DOK6: variants seen among roughly 807,000 people sequenced by gnomAD.
DOK6 encodes downstream of tyrosine kinase 6.
Under a neutral mutation model 44.0 loss-of-function variants are expected in DOK6, and 22 were observed. The ratio of observed to expected loss-of-function variants is 0.50; its 90% CI spans 0.36 to 0.71. The LOEUF (loss-of-function observed/expected upper bound fraction) is 0.71. DOK6 is among the 30% of genes least tolerant of loss of function. The pLI is 0.00. For missense variants in DOK6, 340 were observed against 416.4 expected (o/e 0.82, Z 1.60); for synonymous variants, 166 against 145.5 (o/e 1.14, Z -1.01).
intron 1 of DOK6, among the ~76,000 whole-genome samples, chr18:69,406,909 C>G (rs951835162): frequency 6.6e-6 from 1 of 152,066 alleles, no homozygotes; most frequent in African/African-American, 2.4e-5. Flanking sequence ...TGTGAAACCT[C>G]GTCTCTACTA....
Position 69,619,101 on chromosome 18 carries a change from A to G in DOK6, c.289+19603A>G, listed in dbSNP as rs116307626. On this transcript the variant is annotated intron_variant, in intron 3 of 7. Coordinates refer to ENST00000382713, the MANE Select transcript of DOK6 (RefSeq NM_152721.6). ...AAACTAAATGCAGAGAACATTTTCAAGAGGAGTAGACTGGAGAGAAAGCAA... is the reference window on the plus strand; with the variant it reads ...AAACTAAATGCAGAGAACATTTTCAGGAGGAGTAGACTGGAGAGAAAGCAA... 2.0e-3 allele frequency among the ~76,000 whole-genome samples: 299 copies of G among 152,310 alleles called. 3 individuals carry two copies. Among genetic ancestry groups the G allele is most frequent in the African/African-American group, 7.1e-3 (294 of 41,566 alleles).
At chr18:69,776,480 A>G (rs746535468) in intron 7 of DOK6, among the ~76,000 whole-genome samples, 1 of 152,106 alleles carries the variant, frequency 6.6e-6, no homozygotes, top group Non-Finnish European at 1.5e-5. Context: ...CACTACATCA[A>G]AATTTATGAG....
At chr18:69,525,407 A>G (rs1981802203) in intron 1 of DOK6, among the ~76,000 whole-genome samples, 1 of 151,994 alleles carries the variant, frequency 6.6e-6, no homozygotes, top group Non-Finnish European at 1.5e-5. Flanking sequence ...GGGGGTTTCT[A>G]TTTTACATTG....
At chr18:69,738,517 AAG>A (rs1333774068) in intron 5 of DOK6, among the ~76,000 whole-genome samples, 1 of 152,222 alleles carries the variant, frequency 6.6e-6, no homozygotes, top group Non-Finnish European at 1.5e-5. Context: ...TAGTTGAAAA[AAG>A]AATTTGCATT....
chr18:69,468,862 G>A (rs1351459542), intron 1 of DOK6, among the ~76,000 whole-genome samples: 1 of 152,162 alleles, frequency 6.6e-6, no homozygotes, highest in African/African-American at 2.4e-5. Context: ...CTACTAGAGA[G>A]ATAAAGCTCT....
intron 7 of DOK6, among the ~76,000 whole-genome samples, chr18:69,797,261 GT>G (rs1241296450): frequency 6.6e-6 from 1 of 152,134 alleles, no homozygotes; most frequent in African/African-American, 2.4e-5. Flanking sequence ...TTTGAGAAGA[GT>G]TACATCTTTT....
At chr18:69,419,260 T>C (rs1276944101) in intron 1 of DOK6, among the ~76,000 whole-genome samples, 2 of 152,306 alleles carry the variant, frequency 1.3e-5, no homozygotes, top group Non-Finnish European at 1.5e-5. Flanking sequence ...CTGAGCTGCA[T>C]TCCCATCCAA....
intron 7 of DOK6, among the ~76,000 whole-genome samples, chr18:69,817,010 T>C (rs895512756): frequency 1.3e-5 from 2 of 152,194 alleles, no homozygotes; most frequent in Admixed American, 6.6e-5. Context: ...TTTTTGCCCA[T>C]GTAAGTAGTA....
In DOK6 at chr18:69,599,467, T is replaced by C; in HGVS notation, c.258T>C (p.Asp86=). The change falls in exon 3 of 8, where the codon GAT becomes GAC. Residue 86 remains aspartate (D), a synonymous_variant. Transcript: ENST00000382713. ...KKHAVAIIFH[D]ETSKTFACES... is the part of the protein sequence containing the mutation. ...ATGCGGTGGCAATCATCTTTCACGA[T>C]GAAACATCGAAGACATTTGCCTGTG... 2 of 1,614,026 alleles carry C rather than the reference T, an allele frequency of 1.2e-6. No individual in the cohort carries two copies. The highest frequency in any genetic ancestry group is 1.6e-4 in the Middle Eastern group (1 of 6,062).
chr18:69,716,053 T>C (rs996178506), intron 5 of DOK6, among the ~76,000 whole-genome samples: 8 of 152,236 alleles, frequency 5.3e-5, no homozygotes, highest in Admixed American at 6.5e-5. Context: ...AGGAATGCTT[T>C]AGCAACATCA....
rs567386923 is a variant in DOK6 at position 69,474,783 on chromosome 18, A to C, written c.66+73473A>C. Among the ~76,000 whole-genome samples the C allele has an allele frequency of 2.0e-5, 3 of 152,348 alleles. No individual in the cohort carries two copies. The East Asian group carries it at 5.8e-4, about 29-fold the overall frequency. ...ATTCAGAGCTAGAATAATTCTTGTC[A>C]AAACAAAAATGAATTCAGTTGTGTA... On this transcript the variant is annotated intron_variant, in intron 1 of 7. Coordinates refer to ENST00000382713, the MANE Select transcript of DOK6 (RefSeq NM_152721.6).
intron 7 of DOK6, among the ~76,000 whole-genome samples, chr18:69,760,997 A>G (rs71370317): frequency 2.5e-3 from 242 of 98,118 alleles, no homozygotes; most frequent in African/African-American, 0.01. Flanking sequence ...GGTGTTTTCT[A>G]TCTAGTAGGA....
intron 1 of DOK6, among the ~76,000 whole-genome samples, chr18:69,421,939 A>ACAAAG (rs1451689911): frequency 1.3e-5 from 2 of 152,202 alleles, no homozygotes; most frequent in Non-Finnish European, 2.9e-5. Flanking sequence ...TGCCATTAAA[A>ACAAAG]CAAAGCAAAG....
At chr18:69,604,418 A>G (rs1014479605) in intron 3 of DOK6, among the ~76,000 whole-genome samples, 12 of 152,228 alleles carry the variant, frequency 7.9e-5, no homozygotes, top group African/African-American at 2.9e-4. Context: ...TTAACTTCCC[A>G]GAGAAGAATT....
chr18:69,802,478 G>C (rs1980930864), intron 7 of DOK6, among the ~76,000 whole-genome samples: 1 of 152,062 alleles, frequency 6.6e-6, no homozygotes, highest in Non-Finnish European at 1.5e-5. Context: ...TAAAATGCAA[G>C]ATGTTATGGT....
chr18:69,665,053 T>C (rs1219674166), intron 3 of DOK6, among the ~76,000 whole-genome samples: 1 of 152,020 alleles, frequency 6.6e-6, no homozygotes. Context: ...TGGTGGCACA[T>C]GCCTGTAGTC....
chr18:69,457,366 T>C (rs1979658790), intron 1 of DOK6, among the ~76,000 whole-genome samples: 1 of 152,248 alleles, frequency 6.6e-6, no homozygotes, highest in Non-Finnish European at 1.5e-5. Flanking sequence ...CTTCTGCATA[T>C]GGCTAGCCAG....
At chr18:69,603,305 G>A (rs1983914806) in intron 3 of DOK6, among the ~76,000 whole-genome samples, 4 of 152,058 alleles carry the variant, frequency 2.6e-5, no homozygotes, top group Admixed American at 2.0e-4. Context: ...ATTTCATAGC[G>A]CAAAAACCTA....
chr18:69,748,951 C>A (rs550194286), intron 6 of DOK6, among the ~76,000 whole-genome samples: 1 of 152,178 alleles, frequency 6.6e-6, no homozygotes, highest in Non-Finnish European at 1.5e-5. Context: ...GTGGTATATA[C>A]ATACCATGAA....
Sources: gnomAD v4.1 joint callset for allele counts (sites outside exome capture counted in the v4.1 genomes callset) on GRCh38, gnomAD v4.1.1 for gene constraint, MANE v1.5 for transcripts, NCBI Gene and HGNC (gene_info 2026-07-23, HGNC 2026-07-21) for gene names.